SPMIP7: variants seen among roughly 807,000 people sequenced by gnomAD.
SPMIP7 encodes the protein protein SPMIP7.
the SPMIP7 span, among the ~76,000 whole-genome samples, chr7:50,146,103 C>A: frequency 3.3e-5 from 5 of 152,208 alleles, no homozygotes; most frequent in African/African-American, 1.2e-4. Flanking sequence ...TAAAGAATAA[C>A]TCTATGAATA....
the SPMIP7 span, chr7:50,095,990 A>C: frequency 4.9e-6 from 4 of 817,498 alleles, no homozygotes; most frequent in South Asian, 1.2e-4. Flanking sequence ...AGTTTAACAC[A>C]GATCTTTAGT....
chr7:50,125,115 T>TATACACACAC, the SPMIP7 span, among the ~76,000 whole-genome samples: 1 of 25,416 alleles, frequency 3.9e-5, no homozygotes, highest in African/African-American at 2.1e-4. Flanking sequence ...TATATATATA[T>TATACACACAC]ACACACACAC....
the SPMIP7 span, among the ~76,000 whole-genome samples, chr7:50,118,181 G>A: frequency 2.6e-5 from 4 of 152,174 alleles, no homozygotes; most frequent in Non-Finnish European, 5.9e-5. Flanking sequence ...CCGAATGCCT[G>A]TAAATTCAGT....
At chr7:50,096,214 T>C in the SPMIP7 span, 11 of 1,551,820 alleles carry the variant, frequency 7.1e-6, no homozygotes, top group East Asian at 2.4e-5. Context: ...ACATGCCTTT[T>C]GTGAAAGGTC....
chr7:50,126,203 A>G, the SPMIP7 span, among the ~76,000 whole-genome samples: 12 of 146,486 alleles, frequency 8.2e-5, no homozygotes, highest in African/African-American at 2.8e-4. Context: ...CGAGAAAAAG[A>G]GAATACACAT....
At chr7:50,159,173 A>G in the SPMIP7 span, 1 of 1,550,856 alleles carries the variant, frequency 6.4e-7, no homozygotes, top group Non-Finnish European at 8.7e-7. Flanking sequence ...CTACTAGAGG[A>G]GGCGGCCCTG....
chr7:50,111,631 G>A, the SPMIP7 span, among the ~76,000 whole-genome samples: 1 of 152,180 alleles, frequency 6.6e-6, no homozygotes, highest in Non-Finnish European at 1.5e-5. Flanking sequence ...TTTACAGCTA[G>A]ATTTTTCAGG....
chr7:50,153,407 C>G, the SPMIP7 span, among the ~76,000 whole-genome samples: 16 of 152,208 alleles, frequency 1.1e-4, no homozygotes, highest in Non-Finnish European at 2.1e-4. Flanking sequence ...ATTCACTCAC[C>G]CATTTGCTGG....
At chr7:50,097,523 G>C in the SPMIP7 span, among the ~76,000 whole-genome samples, 1 of 152,100 alleles carries the variant, frequency 6.6e-6, no homozygotes, top group Admixed American at 6.6e-5. Flanking sequence ...TTAGAGAACA[G>C]GCTTTAGACT....
At chr7:50,110,921 G>A in the SPMIP7 span, among the ~76,000 whole-genome samples, 1 of 129,450 alleles carries the variant, frequency 7.7e-6, no homozygotes, top group African/African-American at 3.1e-5. Flanking sequence ...AAAAGCATAA[G>A]CTAATATATA....
At chr7:50,102,061 C>T in the SPMIP7 span, among the ~76,000 whole-genome samples, 4 of 152,196 alleles carry the variant, frequency 2.6e-5, no homozygotes, top group African/African-American at 4.8e-5. Context: ...CCGTGGCTCA[C>T]GCCTGTAATC....
chr7:50,148,061 TAA>T, the SPMIP7 span, among the ~76,000 whole-genome samples: 1 of 152,250 alleles, frequency 6.6e-6, no homozygotes, highest in Non-Finnish European at 1.5e-5. Context: ...AGCAGCAGTC[TAA>T]AGTGTTCCCC....
chr7:50,145,164 G>A, the SPMIP7 span, among the ~76,000 whole-genome samples: 10 of 151,886 alleles, frequency 6.6e-5, no homozygotes, highest in African/African-American at 2.4e-4. Flanking sequence ...TAGGGAGGCT[G>A]AGGCAGGAGA....
the SPMIP7 span, among the ~76,000 whole-genome samples, chr7:50,114,697 A>G: frequency 6.6e-6 from 1 of 152,196 alleles, no homozygotes; most frequent in Non-Finnish European, 1.5e-5. Flanking sequence ...AGAATTTAAT[A>G]TAATGAACTT....
chr7:50,140,531 A>C, the SPMIP7 span, among the ~76,000 whole-genome samples: 2 of 152,254 alleles, frequency 1.3e-5, no homozygotes, highest in East Asian at 3.8e-4. Context: ...TAATTGCAGA[A>C]GGGATGAGAT....
the SPMIP7 span, chr7:50,117,431 A>AT: frequency 8.3e-3 from 2,029 of 244,762 alleles, 73 homozygotes; most frequent in South Asian, 0.066. Flanking sequence ...TGCAAAAAAA[A>AT]ATATATTAAA....
the SPMIP7 span, among the ~76,000 whole-genome samples, chr7:50,129,331 A>T: frequency 6.6e-6 from 1 of 152,038 alleles, no homozygotes; most frequent in Non-Finnish European, 1.5e-5. Flanking sequence ...TAATTTTGAT[A>T]AAATAACTGG....
chr7:50,118,002 G>A, the SPMIP7 span, among the ~76,000 whole-genome samples: 1,176 of 152,254 alleles, frequency 7.7e-3, 24 homozygotes, highest in African/African-American at 0.027. Flanking sequence ...CTAAACCTGA[G>A]TATCAAAGGA....
At chr7:50,156,090 C>T in the SPMIP7 span, among the ~76,000 whole-genome samples, 397 of 152,142 alleles carry the variant, frequency 2.6e-3, no homozygotes, top group African/African-American at 9.1e-3. Context: ...AAGCATGGTG[C>T]GGAGGGGCAG....
Sources: gnomAD v4.1 joint callset for allele counts (sites outside exome capture counted in the v4.1 genomes callset) on GRCh38, gnomAD v4.1.1 for gene constraint, MANE v1.5 for transcripts, NCBI Gene and HGNC (gene_info 2026-07-23, HGNC 2026-07-21) for gene names.